Variants in NOVA1 observed in about 807,000 individuals in gnomAD.
NOVA1 encodes the protein NOVA alternative splicing regulator 1, also known as RNA-binding protein Nova-1.
NOVA1 carries 7 observed loss-of-function variants against 38.0 expected under a neutral mutation model. The observed-to-expected ratio is 0.18, with a 90% CI of 0.10 to 0.35. The LOEUF (loss-of-function observed/expected upper bound fraction) is 0.35. Ranked by LOEUF, NOVA1 falls within the 10% of genes least tolerant of loss-of-function variation. NOVA1 has a pLI of 1.00. For missense variants in NOVA1, 460 were observed against 616.0 expected (o/e 0.75, Z 2.68); for synonymous variants, 270 against 232.5 (o/e 1.16, Z -1.47).
intron 2 of NOVA1, among the ~76,000 whole-genome samples, chr14:26,522,092 T>C (rs796727472): frequency 5.3e-5 from 8 of 152,172 alleles, no homozygotes; most frequent in African/African-American, 1.9e-4. Flanking sequence ...TTGATATCAA[T>C]ATTCATATCA....
chr14:26,508,257 A>G (rs1887791809), intron 2 of NOVA1, among the ~76,000 whole-genome samples: 1 of 152,038 alleles, frequency 6.6e-6, no homozygotes, highest in Non-Finnish European at 1.5e-5. Context: ...TAGATTGAGC[A>G]TAAAGTAAAA....
chr14:26,537,830 T>C (rs982446444), intron 2 of NOVA1, among the ~76,000 whole-genome samples: 4 of 152,056 alleles, frequency 2.6e-5, no homozygotes, highest in African/African-American at 9.7e-5. Flanking sequence ...GACAGTAATG[T>C]GATAGAATGT....
At chr14:26,533,524 C>A (rs1889867094) in intron 2 of NOVA1, among the ~76,000 whole-genome samples, 1 of 152,192 alleles carries the variant, frequency 6.6e-6, no homozygotes, top group Non-Finnish European at 1.5e-5. Flanking sequence ...GTATACATTA[C>A]TCTTTCCTGA....
At chr14:26,466,432 G>A (rs1251599136) in intron 4 of NOVA1, among the ~76,000 whole-genome samples, 1 of 152,188 alleles carries the variant, frequency 6.6e-6, no homozygotes, top group Non-Finnish European at 1.5e-5. Flanking sequence ...AAGCCTGAGT[G>A]GGGAACTGGA....
intron 2 of NOVA1, among the ~76,000 whole-genome samples, chr14:26,545,589 T>C (rs2138617532): frequency 6.6e-6 from 1 of 152,216 alleles, no homozygotes; most frequent in African/African-American, 2.4e-5. Context: ...GAAGGTTTGG[T>C]AACACTCATT....
intron 2 of NOVA1, among the ~76,000 whole-genome samples, chr14:26,588,928 G>A (rs1893685640): frequency 6.6e-6 from 1 of 151,202 alleles, no homozygotes; most frequent in South Asian, 2.1e-4. Context: ...AGTATCTTCA[G>A]TATGAAACAG....
intron 2 of NOVA1, among the ~76,000 whole-genome samples, chr14:26,539,140 T>C (rs1890290577): frequency 6.6e-6 from 1 of 152,104 alleles, no homozygotes; most frequent in Non-Finnish European, 1.5e-5. Flanking sequence ...TCCCTCTTCT[T>C]TTACAAGAAT....
intron 2 of NOVA1, among the ~76,000 whole-genome samples, chr14:26,532,584 A>G (rs184210571): frequency 6.6e-6 from 1 of 152,300 alleles, no homozygotes; most frequent in African/African-American, 2.4e-5. Flanking sequence ...AAGGGGCACA[A>G]TGAAATTTTT....
intron 4 of NOVA1, among the ~76,000 whole-genome samples, chr14:26,460,594 A>G (rs1594333775): frequency 6.6e-6 from 1 of 152,226 alleles, no homozygotes; most frequent in East Asian, 1.9e-4. Flanking sequence ...ATATGGCATT[A>G]GGTTCAGAAT....
chr14:26,530,226 C>T (rs1382912741), intron 2 of NOVA1, among the ~76,000 whole-genome samples: 1 of 152,138 alleles, frequency 6.6e-6, no homozygotes, highest in Non-Finnish European at 1.5e-5. Context: ...CTAAAAGTGA[C>T]TCATTTTACC....
intron 1 of NOVA1, 147 bp downstream of exon 1, chr14:26,597,152 GGC>G: frequency 8.3e-7 from 1 of 1,204,962 alleles, no homozygotes; most frequent in Non-Finnish European, 1.0e-6. Context: ...GGGGGCGCGG[GGC>G]AGGGGCGCAG....
At chr14:26,496,483 A>C (rs1760168888) in intron 2 of NOVA1, among the ~76,000 whole-genome samples, 3 of 151,794 alleles carry the variant, frequency 2.0e-5, no homozygotes, top group African/African-American at 7.3e-5. Flanking sequence ...GCTGTGCAGA[A>C]GCTCTTTAGT....
intron 2 of NOVA1, among the ~76,000 whole-genome samples, chr14:26,587,669 T>TA (rs1566562256): frequency 6.6e-6 from 1 of 151,266 alleles, no homozygotes; most frequent in East Asian, 1.9e-4. Flanking sequence ...AGAGCTTACT[T>TA]ACCTCCAACA....
intron 2 of NOVA1, among the ~76,000 whole-genome samples, chr14:26,536,602 C>A (rs1001316809): frequency 1.3e-5 from 2 of 150,586 alleles, no homozygotes; most frequent in African/African-American, 4.9e-5. Context: ...CTCTCAAAAC[C>A]CCCCAAATCT....
intron 2 of NOVA1, among the ~76,000 whole-genome samples, chr14:26,530,372 G>A (rs908061277): frequency 2.0e-5 from 3 of 151,920 alleles, no homozygotes; most frequent in Non-Finnish European, 2.9e-5. Flanking sequence ...GTATCAACCC[G>A]GAAAGATTTA....
intron 2 of NOVA1, among the ~76,000 whole-genome samples, chr14:26,518,487 T>A (rs756077460): frequency 3.5e-4 from 54 of 152,196 alleles, no homozygotes; most frequent in Non-Finnish European, 6.5e-4. Flanking sequence ...TTTCTTGCTT[T>A]AAAAAGTCTA....
chr14:26,536,136 T>G (rs1442609021), intron 2 of NOVA1, among the ~76,000 whole-genome samples: 1 of 152,108 alleles, frequency 6.6e-6, no homozygotes, highest in South Asian at 2.1e-4. Context: ...ATGCTCTCAC[T>G]TATTTGTGGG....
At chr14:26,496,649 C>A (rs1258494638) in intron 2 of NOVA1, among the ~76,000 whole-genome samples, 1 of 152,128 alleles carries the variant, frequency 6.6e-6, no homozygotes, top group African/African-American at 2.4e-5. Flanking sequence ...AGTCTTTAAT[C>A]CATCTTGAAT....
chr14:26,560,410 C>T (rs1891750271), intron 2 of NOVA1, among the ~76,000 whole-genome samples: 1 of 152,060 alleles, frequency 6.6e-6, no homozygotes. Flanking sequence ...TTTCCTGAGG[C>T]TTTTGGGGAT....
Sources: gnomAD v4.1 joint callset for allele counts (sites outside exome capture counted in the v4.1 genomes callset) on GRCh38, gnomAD v4.1.1 for gene constraint, MANE v1.5 for transcripts, NCBI Gene and HGNC (gene_info 2026-07-23, HGNC 2026-07-21) for gene names.